UBE2K: variants seen among roughly 807,000 people sequenced by gnomAD.
The protein encoded by UBE2K is ubiquitin-conjugating enzyme E2 K.
UBE2K carries 6 observed loss-of-function variants against 30.0 expected under a neutral mutation model. The ratio of observed to expected loss-of-function variants is 0.20; its 90% confidence interval spans 0.11 to 0.39. The LOEUF is 0.39. UBE2K is among the 10% of genes least tolerant of loss of function. The probability of loss-of-function intolerance (pLI) is 1.00; values close to 1 mark genes in which losing one functional copy is unlikely to be tolerated. For missense variants in UBE2K, 61 were observed against 241.6 expected (o/e 0.25, Z 4.96); for synonymous variants, 86 against 83.7 (o/e 1.03, Z -0.15).
intron 1 of UBE2K, among the ~76,000 whole-genome samples, chr4:39,735,182 G>A (rs908303833): frequency 2.6e-5 from 4 of 152,154 alleles, no homozygotes; most frequent in African/African-American, 9.7e-5. Flanking sequence ...TTAACATTAT[G>A]CATAGATACT....
intron 2 of UBE2K, among the ~76,000 whole-genome samples, chr4:39,739,876 A>G (rs1211918758): frequency 1.3e-5 from 2 of 152,208 alleles, no homozygotes; most frequent in Admixed American, 6.5e-5. Context: ...GGCATGAGCC[A>G]TTGTGCCCAA....
chr4:39,771,239 T>G, intron 4 of UBE2K: 6 of 1,612,126 alleles, frequency 3.7e-6, no homozygotes, highest in Non-Finnish European at 5.1e-6. Context: ...AGCTCCGAGC[T>G]GGGGTTAAGC....
intron 4 of UBE2K, among the ~76,000 whole-genome samples, chr4:39,774,066 G>A (rs1713120886): frequency 6.6e-6 from 1 of 152,168 alleles, no homozygotes; most frequent in Non-Finnish European, 1.5e-5. Context: ...GGAGGCCAAG[G>A]TGGATGGATC....
At position 39,745,716 on chromosome 4, in the gene UBE2K, G is replaced by A. The variant is rs1720954346; in HGVS notation, c.158-36G>A. 1.0e-5 allele frequency: 14 copies of A among 1,398,474 alleles called. 1 individual carries two copies. In the South Asian group the frequency reaches 1.6e-4, roughly 16 times the overall value. The allele number at this position is 1,398,474 out of a possible 1,614,324, so 86.6% of individuals were successfully genotyped here. A position where few individuals can be genotyped will look rare whatever the true frequency, so the allele number is the denominator to read the frequency against. ...TATTTGTCTTATATATTTGAATTGAGCAGCATTCTTAACTTTGTTTTCCCC... is the reference window on the plus strand; with the variant it reads ...TATTTGTCTTATATATTTGAATTGAACAGCATTCTTAACTTTGTTTTCCCC... On this transcript the variant is annotated intron_variant, in intron 2 of 6. Coordinates refer to ENST00000261427, the MANE Select transcript of UBE2K (RefSeq NM_005339.5).
chr4:39,725,310 G>A (rs1262628654), intron 1 of UBE2K, among the ~76,000 whole-genome samples: 2 of 149,742 alleles, frequency 1.3e-5, no homozygotes, highest in Non-Finnish European at 3.0e-5. Flanking sequence ...AACCCGGGAG[G>A]CAGTTTGCAG....
chr4:39,749,204 A>G (rs1009103989), intron 3 of UBE2K, among the ~76,000 whole-genome samples: 9 of 152,246 alleles, frequency 5.9e-5, no homozygotes, highest in Non-Finnish European at 1.0e-4. Flanking sequence ...GAGTAGGCTT[A>G]CTTCTAAAAC....
intron 1 of UBE2K, among the ~76,000 whole-genome samples, chr4:39,733,056 A>G (rs1435433250): frequency 6.7e-6 from 1 of 149,308 alleles, no homozygotes; most frequent in African/African-American, 2.5e-5. Context: ...ATCAGGAAAA[A>G]AAAAAAAAAA....
chr4:39,732,328 A>C (rs578080171), intron 1 of UBE2K, among the ~76,000 whole-genome samples: 2 of 152,346 alleles, frequency 1.3e-5, no homozygotes, highest in African/African-American at 2.4e-5. Context: ...CTTAAATGAT[A>C]AAATCTTCCA....
chr4:39,716,329 T>C (rs537533637), intron 1 of UBE2K, among the ~76,000 whole-genome samples: 7 of 152,284 alleles, frequency 4.6e-5, no homozygotes, highest in Admixed American at 4.6e-4. Context: ...CACGCCGCAG[T>C]CTTAACCTGT....
intron 4 of UBE2K, among the ~76,000 whole-genome samples, chr4:39,765,030 C>T (rs1228572441): frequency 6.6e-6 from 1 of 152,014 alleles, no homozygotes; most frequent in Non-Finnish European, 1.5e-5. Context: ...TGACTACAGG[C>T]ACCTGCCACC....
At chr4:39,773,772 T>A (rs2109411570) in intron 4 of UBE2K, among the ~76,000 whole-genome samples, 1 of 151,508 alleles carries the variant, frequency 6.6e-6, no homozygotes, top group East Asian at 2.0e-4. Context: ...ATACAAAAAA[T>A]TAGCCGGGCG....
rs1267952992 is a variant in UBE2K at position 39,782,716 on chromosome 4, A to ATTT, written c.*4285_*4287dup. ...AACTGATTTTTTAAAAAATAAACAC[A>ATTT]TTTTTAAAGATGTTGAATTTTTCCC... On this transcript the variant is annotated 3_prime_UTR_variant, in exon 7 of 7. Coordinates refer to ENST00000261427, the MANE Select transcript of UBE2K (RefSeq NM_005339.5). The ATTT allele has an allele frequency of 6.6e-6, 1 of 152,194 alleles. No individual in the cohort carries two copies. The highest frequency in any genetic ancestry group is 1.5e-5 in the Non-Finnish European group (1 of 68,030). The allele number at this position is 152,194 out of a possible 1,614,324, so 9.4% of individuals were successfully genotyped here.
chr4:39,742,685 C>T (rs1303972300), intron 2 of UBE2K, among the ~76,000 whole-genome samples: 1 of 152,128 alleles, frequency 6.6e-6, no homozygotes, highest in African/African-American at 2.4e-5. Context: ...AGGTTGCAGT[C>T]AGCCGAGATC....
intron 1 of UBE2K, among the ~76,000 whole-genome samples, chr4:39,699,907 A>G (rs146180874): frequency 6.6e-6 from 1 of 152,292 alleles, no homozygotes; most frequent in Non-Finnish European, 1.5e-5. Context: ...TTTGTGGTAC[A>G]ATGCAGAAAT....
In UBE2K at chr4:39,760,186, A is replaced by AAC. The variant is rs1560372468; in HGVS notation, c.299+4448_299+4449insCA. Among the ~76,000 whole-genome samples the AAC allele has an allele frequency of 2.0e-4, 14 of 70,766 alleles. No homozygotes were observed. The Admixed American group carries it at 2.7e-3, about 14-fold the overall frequency. 46.4% of individuals were successfully genotyped at this position (70,766 alleles called of 152,430 possible). A position where few individuals can be genotyped will look rare whatever the true frequency, so the allele number is the denominator to read the frequency against. Reference sequence around the variant, plus strand: ...AGCGAGACTCTGTCACAAAAAAAAAAAAAAAACAGAAAAAAAAAAAAAAAC... The same window carrying AAC: ...AGCGAGACTCTGTCACAAAAAAAAAAACAAAAAACAGAAAAAAAAAAAAAAAC... On this transcript the variant is annotated intron_variant, in intron 4 of 6. Coordinates refer to ENST00000261427, the MANE Select transcript of UBE2K (RefSeq NM_005339.5).
intron 3 of UBE2K, among the ~76,000 whole-genome samples, chr4:39,751,042 G>A (rs1040243145): frequency 7.3e-5 from 11 of 151,578 alleles, no homozygotes; most frequent in Non-Finnish European, 1.2e-4. Flanking sequence ...CACCACGCCT[G>A]GCCCCTGAAG....
intron 1 of UBE2K, among the ~76,000 whole-genome samples, chr4:39,716,842 C>G (rs1560345246): frequency 6.6e-6 from 1 of 151,854 alleles, no homozygotes; most frequent in Non-Finnish European, 1.5e-5. Context: ...TACTAAAATA[C>G]AAAAAATTAG....
chr4:39,731,682 C>A (rs1198929169), intron 1 of UBE2K, among the ~76,000 whole-genome samples: 1 of 151,842 alleles, frequency 6.6e-6, no homozygotes, highest in Admixed American at 6.6e-5. Flanking sequence ...AATTTAACTG[C>A]CTAGAAGGTA....
At chr4:39,758,859 C>T (rs1711673103) in intron 4 of UBE2K, among the ~76,000 whole-genome samples, 1 of 152,088 alleles carries the variant, frequency 6.6e-6, no homozygotes, top group Non-Finnish European at 1.5e-5. Context: ...AAAACATTTT[C>T]TCCTAATATG....
Sources: gnomAD v4.1 joint callset for allele counts (sites outside exome capture counted in the v4.1 genomes callset) on GRCh38, gnomAD v4.1.1 for gene constraint, MANE v1.5 for transcripts, NCBI Gene and HGNC (gene_info 2026-07-23, HGNC 2026-07-21) for gene names.